TVP23A: variants seen among roughly 807,000 people sequenced by gnomAD.
The protein encoded by TVP23A is trans-golgi network vesicle protein 23 homolog A.
Under a neutral mutation model 31.7 loss-of-function variants are expected in TVP23A, and 21 were observed. The ratio of observed to expected loss-of-function variants is 0.66; its 90% CI spans 0.47 to 0.95. TVP23A has a LOEUF of 0.95. Among genes scored for constraint, TVP23A ranks in the 40% least tolerant of loss-of-function variants. TVP23A has a pLI of 0.00. For synonymous variants in TVP23A, 104 were observed against 96.0 expected (o/e 1.08, Z -0.49); for missense variants, 279 against 255.6 (o/e 1.09, Z -0.62).
chr16:10,767,196 G>A lies in TVP23A; in HGVS notation c.*1906C>T, dbSNP rs74007543. The A allele has an allele frequency of 1.2e-3, 480 of 400,094 alleles. 6 individuals carry two copies. Among genetic ancestry groups the A allele is most frequent in the African/African-American group, 9.2e-3 (450 of 48,784 alleles). 24.8% of individuals were successfully genotyped at this position (400,094 alleles called of 1,614,324 possible). ...GCAAGCTGATGGCAGGTCCACCCAC[G>A]ACTGGGGGCTGGCAGGGCAGACTGG... On this transcript the variant is annotated 3_prime_UTR_variant, in exon 8 of 8. Coordinates refer to ENST00000299866, the MANE Select transcript of TVP23A (RefSeq NM_001079512.4). The surrounding 1 kb of genome is among the most constrained non-coding windows in gnomAD (Gnocchi z 4.6).
At chr16:10,758,127 C>A, downstream of TVP23A, 1 of 1,378,368 alleles carries the variant, frequency 7.3e-7, no homozygotes, top group South Asian at 1.3e-5. Flanking sequence ...CAAGGCTCTT[C>A]CCAGTGTGTG....
chr16:10,788,803 A>G (rs1252144286), intron 2 of TVP23A, among the ~76,000 whole-genome samples: 4 of 152,196 alleles, frequency 2.6e-5, no homozygotes, highest in African/African-American at 4.8e-5. Flanking sequence ...GAGAGTAGCT[A>G]GTAGGAGTGG....
chr16:10,774,636 G>T (rs1344365151), intron 3 of TVP23A, among the ~76,000 whole-genome samples: 2 of 141,446 alleles, frequency 1.4e-5, no homozygotes, highest in Non-Finnish European at 3.0e-5. Context: ...CCGAGACAGA[G>T]TTTGACTCTT....
downstream of TVP23A, chr16:10,761,189 G>A (rs933793897): frequency 4.7e-5 from 26 of 549,062 alleles, no homozygotes; most frequent in Non-Finnish European, 7.9e-5. Context: ...GGATGATGGG[G>A]ATTACAGTTC....
chr16:10,769,397 C>T (rs867938189), intron 7 of TVP23A: 12 of 347,142 alleles, frequency 3.5e-5, no homozygotes, highest in South Asian at 2.8e-4. Flanking sequence ...GTTGTGGGAT[C>T]GTGGGATTCT....
intron 2 of TVP23A, among the ~76,000 whole-genome samples, chr16:10,795,142 C>T (rs1282891947): frequency 6.6e-6 from 1 of 152,088 alleles, no homozygotes; most frequent in East Asian, 1.9e-4. Context: ...AGTTTCAGAC[C>T]AACCTGGGCA....
chr16:10,762,784 G>A (rs183368411), downstream of TVP23A, among the ~76,000 whole-genome samples: 186 of 152,226 alleles, frequency 1.2e-3, no homozygotes, highest in African/African-American at 4.1e-3. Context: ...GTGAAGTATG[G>A]CCTGGCCAGG....
intron 2 of TVP23A, among the ~76,000 whole-genome samples, chr16:10,790,609 T>C (rs985326957): frequency 6.6e-6 from 1 of 152,100 alleles, no homozygotes; most frequent in Non-Finnish European, 1.5e-5. Flanking sequence ...TATTTTGATT[T>C]TCTTCTTTGT....
At position 10,814,305 on chromosome 16, in the gene TVP23A, C is replaced by A. The variant is rs546400469; in HGVS notation, c.89+3798G>T. Among the ~76,000 whole-genome samples, 3 of 152,258 alleles carry A rather than the reference C, an allele frequency of 2.0e-5. No homozygotes were observed. The South Asian group carries it at 6.2e-4, about 32-fold the overall frequency. On this transcript the variant is annotated intron_variant, in intron 2 of 7. Transcript: ENST00000299866. ...TCTGATTGCAGCCCTGGTGACTTCT[C>A]GAGCTCCTGGCCTCTCCTCCCAGCT...
At chr16:10,773,921 AAT>A in intron 4 of TVP23A, 116 bp downstream of exon 4, 1 of 789,208 alleles carries the variant, frequency 1.3e-6, no homozygotes, top group Non-Finnish European at 2.0e-6. Flanking sequence ...GCACCTTGGC[AAT>A]GGTGGCTTTT....
In TVP23A at chr16:10,769,181, A is replaced by G. The variant is rs1002389242; in HGVS notation, c.*1-80T>C. ...GCAGCACATCCAGCCAGACCCGACC[A>G]GCTCCGGGATGGGGTGGGTCACAGC... On this transcript the variant is annotated intron_variant, in intron 7 of 7. Transcript: ENST00000299866. 78 of 1,393,900 alleles carry G rather than the reference A, an allele frequency of 5.6e-5. No homozygotes were observed. In the East Asian group the frequency reaches 1.3e-3, roughly 24 times the overall value. 86.3% of individuals were successfully genotyped at this position (1,393,900 alleles called of 1,614,324 possible).
In TVP23A at chr16:10,768,021, G is replaced by C. The variant is rs1319358484; in HGVS notation, c.*1081C>G. On this transcript the variant is annotated 3_prime_UTR_variant, in exon 8 of 8. Coordinates refer to ENST00000299866, the MANE Select transcript of TVP23A (RefSeq NM_001079512.4). This position sits in a 1 kb window ranked among gnomAD's most constrained non-coding sequence, Gnocchi z 4.3. ...TCCCCAGCCACGTTAGCCTACAGAA[G>C]TATAATTCAGAGTAAGTATTTCCAT... 7 of 1,614,030 alleles carry C rather than the reference G, an allele frequency of 4.3e-6. No homozygotes were observed. The highest frequency in any genetic ancestry group is 5.9e-6 in the Non-Finnish European group (7 of 1,179,944).
At chr16:10,801,845 C>T (rs1046471321) in intron 2 of TVP23A, among the ~76,000 whole-genome samples, 1 of 152,072 alleles carries the variant, frequency 6.6e-6, no homozygotes, top group African/African-American at 2.4e-5. Flanking sequence ...TAATCGCACT[C>T]TGCTTACATA....
chr16:10,762,156 G>A (rs942108070), downstream of TVP23A: 1 of 262,884 alleles, frequency 3.8e-6, no homozygotes, highest in Non-Finnish European at 7.3e-6. Context: ...GCACCCGATA[G>A]AGGGGCGGCT....
chr16:10,799,377 A>T (rs1041205549), intron 2 of TVP23A, among the ~76,000 whole-genome samples: 3 of 152,224 alleles, frequency 2.0e-5, no homozygotes, highest in Non-Finnish European at 4.4e-5. Context: ...TCTGTTGCCC[A>T]GGCTGGAGTA....
chr16:10,793,770 A>G (rs1738061116), intron 2 of TVP23A, among the ~76,000 whole-genome samples: 2 of 151,428 alleles, frequency 1.3e-5, no homozygotes, highest in African/African-American at 4.9e-5. Flanking sequence ...ATGGTGGCAT[A>G]CACCTATGGT....
intron 2 of TVP23A, among the ~76,000 whole-genome samples, chr16:10,814,954 G>A (rs1455100668): frequency 6.6e-6 from 1 of 152,128 alleles, no homozygotes; most frequent in African/African-American, 2.4e-5. Flanking sequence ...CTAAATTCAT[G>A]ACCTTACCTC....
chr16:10,818,014 G>C lies in TVP23A; in HGVS notation c.89+89C>G. ...CAGCCCCAGACCTGGCACACAGTAGGTGCTCAATATATTTTGAATGAATGA... is the reference window on the plus strand; with the variant it reads ...CAGCCCCAGACCTGGCACACAGTAGCTGCTCAATATATTTTGAATGAATGA... On this transcript the variant is annotated intron_variant, in intron 2 of 7. Coordinates refer to ENST00000299866, the MANE Select transcript of TVP23A (RefSeq NM_001079512.4). The surrounding 1 kb of genome is among the most constrained non-coding windows in gnomAD (Gnocchi z 4.7). The C allele has an allele frequency of 1.7e-6, 2 of 1,143,174 alleles. No homozygotes were observed. Among genetic ancestry groups the C allele is most frequent in the Non-Finnish European group, 2.6e-6 (2 of 776,700 alleles). The allele number at this position is 1,143,174 out of a possible 1,614,324, so 70.8% of individuals were successfully genotyped here. A position where few individuals can be genotyped will look rare whatever the true frequency, so the allele number is the denominator to read the frequency against.
chr16:10,792,359 G>A (rs1300670572), intron 2 of TVP23A, among the ~76,000 whole-genome samples: 1 of 152,108 alleles, frequency 6.6e-6, no homozygotes, highest in Non-Finnish European at 1.5e-5. Flanking sequence ...AGGTGCCAGG[G>A]GAGGCAGCTA....
Sources: allele counts gnomAD v4.1 joint callset (sites outside exome capture counted in the v4.1 genomes callset), GRCh38; gene constraint gnomAD v4.1.1; non-coding constraint Gnocchi (gnomAD v3.1); transcripts MANE v1.5; gene names NCBI Gene and HGNC (gene_info 2026-07-23, HGNC 2026-07-21).